CBLN2: variants seen among roughly 807,000 people sequenced by gnomAD.
CBLN2 encodes cerebellin 2 precursor, also known as cerebellin-2.
In CBLN2, 7 loss-of-function variants were observed where a neutral mutation model predicts 15.0. The ratio of observed to expected loss-of-function variants is 0.47; its 90% confidence interval spans 0.27 to 0.88. The LOEUF is 0.88. Among genes scored for constraint, CBLN2 ranks in the 40% least tolerant of loss-of-function variants. CBLN2 has a pLI of 0.14. For missense variants in CBLN2, 242 were observed against 304.5 expected (o/e 0.79, Z 1.53); for synonymous variants, 149 against 135.2 (o/e 1.10, Z -0.71).
At chr18:72,618,008 C>T (rs907027596) in intron 1 of CBLN2, among the ~76,000 whole-genome samples, 1 of 151,986 alleles carries the variant, frequency 6.6e-6, no homozygotes, top group African/African-American at 2.4e-5. Flanking sequence ...GGAATTTTGG[C>T]TGTTATGGTT....
chr18:72,607,727 C>T (rs1266909320), intron 1 of CBLN2, among the ~76,000 whole-genome samples: 1 of 152,020 alleles, frequency 6.6e-6, no homozygotes, highest in Non-Finnish European at 1.5e-5. Context: ...CTCTTTTCCT[C>T]TAAATTTAAA....
chr18:72,638,197 C>A (rs1237832150), intron 1 of CBLN2: 1 of 396,796 alleles, frequency 2.5e-6, no homozygotes, highest in African/African-American at 2.1e-5. Flanking sequence ...GAAGTAAATA[C>A]TTTGCATTAC....
chr18:72,633,019 T>C (rs1352906740), intron 1 of CBLN2, among the ~76,000 whole-genome samples: 1 of 152,184 alleles, frequency 6.6e-6, no homozygotes, highest in Non-Finnish European at 1.5e-5. Context: ...TAGCTCAATT[T>C]CCTTGTTTGT....
chr18:72,594,719 G>T (rs956954971), intron 1 of CBLN2, among the ~76,000 whole-genome samples: 6 of 152,032 alleles, frequency 3.9e-5, no homozygotes, highest in Middle Eastern at 6.8e-3. Flanking sequence ...CTTGTTGTTT[G>T]CCTACTTAGG....
rs9953418 is a variant in CBLN2 at position 72,636,519 on chromosome 18, G to T, written c.15+1806C>A. ...CAAATTTGGGTCATTTCACCAGCTG[G>T]GCACAAATATTTTCTAAACATCCAC... On this transcript the variant is annotated intron_variant, in intron 1 of 2. Coordinates refer to the CBLN2 transcript ENST00000581073. Among the ~76,000 whole-genome samples, 7,482 of 152,032 alleles carry T rather than the reference G, an allele frequency of 0.049. 959 individuals are homozygous for T. In the East Asian group the frequency reaches 0.55, roughly 11 times the overall value.
At chr18:72,547,425 T>G (rs2144877331), upstream of CBLN2, among the ~76,000 whole-genome samples, 1 of 152,292 alleles carries the variant, frequency 6.6e-6, no homozygotes, top group South Asian at 2.1e-4. Flanking sequence ...GGTACCTGTG[T>G]AAGAAAACGG....
chr18:72,564,918 G>A (rs1044861945), intron 1 of CBLN2, among the ~76,000 whole-genome samples: 3 of 152,128 alleles, frequency 2.0e-5, no homozygotes, highest in African/African-American at 7.2e-5. Context: ...AAAACACTAA[G>A]TCACATATAA....
At chr18:72,563,080 T>C (rs2069272045) in intron 1 of CBLN2, among the ~76,000 whole-genome samples, 1 of 152,160 alleles carries the variant, frequency 6.6e-6, no homozygotes, top group Admixed American at 6.5e-5. Context: ...GATACAGACA[T>C]AGACATACAT....
In CBLN2 at chr18:72,622,762, G is replaced by A. The variant is rs542531938; in HGVS notation, c.15+15563C>T. ...TCACTTTTGATCAAAATGCTGTAGT[G>A]AAAAATGACAGGTCTCAATGGAAAA... On this transcript the variant is annotated intron_variant, in intron 1 of 2. Transcript: ENST00000581073. Among the ~76,000 whole-genome samples the A allele has an allele frequency of 2.0e-5, 3 of 152,226 alleles. No individual in the cohort carries two copies. In the East Asian group the frequency reaches 5.8e-4, roughly 29 times the overall value.
intron 1 of CBLN2, among the ~76,000 whole-genome samples, chr18:72,600,324 G>A (rs2069539474): frequency 6.6e-6 from 1 of 152,196 alleles, no homozygotes; most frequent in Admixed American, 6.5e-5. Context: ...GATGGAAGAG[G>A]AAGTAGTTTC....
chr18:72,547,116 A>T (rs1342749250), upstream of CBLN2, among the ~76,000 whole-genome samples: 585 of 14,736 alleles, frequency 0.04, no homozygotes, highest in Non-Finnish European at 0.27. Context: ...AGTGTCACAC[A>T]CACACACACA....
At chr18:72,610,186 T>C (rs910021215) in intron 1 of CBLN2, among the ~76,000 whole-genome samples, 1 of 152,128 alleles carries the variant, frequency 6.6e-6, no homozygotes, top group Admixed American at 6.6e-5. Context: ...GTTGTTGTTT[T>C]TAGCCTGAGC....
At chr18:72,577,200 A>C (rs2069373910) in intron 1 of CBLN2, among the ~76,000 whole-genome samples, 1 of 151,296 alleles carries the variant, frequency 6.6e-6, no homozygotes, top group Non-Finnish European at 1.5e-5. Context: ...AATATGAAAG[A>C]AAAAATATTG....
At chr18:72,545,289 G>A (rs771502854), upstream of CBLN2, among the ~76,000 whole-genome samples, 5 of 152,184 alleles carry the variant, frequency 3.3e-5, no homozygotes, top group Admixed American at 6.5e-5. Context: ...ACACTGCTGC[G>A]TGAGACAAAA....
chr18:72,615,950 A>G (rs1288936780), intron 1 of CBLN2, among the ~76,000 whole-genome samples: 1 of 152,184 alleles, frequency 6.6e-6, no homozygotes, highest in South Asian at 2.1e-4. Context: ...TTCCTGCTCT[A>G]TGAATTAACC....
chr18:72,574,988 G>A (rs939328060), intron 1 of CBLN2, among the ~76,000 whole-genome samples: 3 of 152,158 alleles, frequency 2.0e-5, no homozygotes, highest in African/African-American at 7.2e-5. Flanking sequence ...AAACAGGTCG[G>A]GGCAAGGGAG....
rs759431290 is a variant in CBLN2, at chr18:72,561,579, A to G, written c.16-22807T>C. On this transcript the variant is annotated intron_variant, in intron 1 of 2. Transcript: ENST00000581073. ...GAGATTTTAGATCTATTAACAGTGC[A>G]TACATTATTTATTAACTTGCACCAG... 1.6e-4 allele frequency among the ~76,000 whole-genome samples: 25 copies of G among 152,212 alleles called. 1 individual carries two copies. The highest frequency in any genetic ancestry group is 4.1e-4 in the South Asian group (2 of 4,832).
At chr18:72,563,449 T>A (rs2069274308) in intron 1 of CBLN2, among the ~76,000 whole-genome samples, 1 of 152,058 alleles carries the variant, frequency 6.6e-6, no homozygotes, top group Non-Finnish European at 1.5e-5. Context: ...GATGCCTAAT[T>A]TCCCCCCACC....
intron 1 of CBLN2, among the ~76,000 whole-genome samples, chr18:72,552,950 A>G (rs779072962): frequency 6.6e-6 from 1 of 152,164 alleles, no homozygotes; most frequent in Non-Finnish European, 1.5e-5. Context: ...TATTACTATT[A>G]TTCAATCCTA....
Sources: gnomAD v4.1 joint callset for allele counts (sites outside exome capture counted in the v4.1 genomes callset) on GRCh38, gnomAD v4.1.1 for gene constraint, MANE v1.5 for transcripts, NCBI Gene and HGNC (gene_info 2026-07-23, HGNC 2026-07-21) for gene names.